DST: variants seen among roughly 807,000 people sequenced by gnomAD.
DST encodes dystonin.
A neutral mutation model predicts 875.2 loss-of-function variants in DST; 253 were observed. The ratio of observed to expected loss-of-function variants is 0.29; its 90% CI spans 0.26 to 0.32. DST has a LOEUF of 0.32. DST is among the 10% of genes least tolerant of loss of function. The pLI, the probability that DST is intolerant of heterozygous loss-of-function variation, is 1.00. For missense variants in DST, 8,287 were observed against 9,111.6 expected, an observed-to-expected ratio of 0.91 and a Z score of 3.68; for synonymous variants, 3,124 against 3,197.1, an observed-to-expected ratio of 0.98 and a Z score of 0.77.
At chr6:56,832,510 A>G (rs937499665) in intron 4 of DST, among the ~76,000 whole-genome samples, 1 of 152,032 alleles carries the variant, frequency 6.6e-6, no homozygotes, top group Non-Finnish European at 1.5e-5. Flanking sequence ...GTGGAACTGT[A>G]GGAACTGTAA....
chr6:56,807,645 G>A (rs1281677043), intron 4 of DST, among the ~76,000 whole-genome samples: 1 of 152,132 alleles, frequency 6.6e-6, no homozygotes, highest in Non-Finnish European at 1.5e-5. Context: ...AGAAAGGACA[G>A]TTTTTTCAAC....
chr6:56,528,173 T>C (rs1194461293), intron 67 of DST, among the ~76,000 whole-genome samples: 12 of 152,236 alleles, frequency 7.9e-5, no homozygotes, highest in Non-Finnish European at 1.2e-4. Flanking sequence ...TTTATTTGCC[T>C]CTACCTCATT....
intron 3 of DST, among the ~76,000 whole-genome samples, chr6:56,870,423 T>C (rs1776476922): frequency 7.6e-6 from 1 of 131,350 alleles, no homozygotes; most frequent in Non-Finnish European, 1.6e-5. Flanking sequence ...TATTAAATCT[T>C]GCAACTGCAA....
At chr6:56,775,860 G>T (rs2099677998) in intron 4 of DST, among the ~76,000 whole-genome samples, 1 of 152,176 alleles carries the variant, frequency 6.6e-6, no homozygotes, top group Non-Finnish European at 1.5e-5. Flanking sequence ...AATTAGAGAA[G>T]AAAGAAGTTT....
At chr6:56,739,541 A>C (rs1470833088) in intron 4 of DST, among the ~76,000 whole-genome samples, 1 of 152,126 alleles carries the variant, frequency 6.6e-6, no homozygotes, top group Non-Finnish European at 1.5e-5. Flanking sequence ...AATAGGAGCT[A>C]GGTAAAAGGA....
intron 4 of DST, among the ~76,000 whole-genome samples, chr6:56,839,769 G>C (rs902992678): frequency 6.6e-6 from 1 of 152,174 alleles, no homozygotes; most frequent in Non-Finnish European, 1.5e-5. Context: ...TTGTCACCAT[G>C]CACATAAGCA....
At chr6:56,620,383 C>T (rs1489825388) in intron 36 of DST, 7 of 1,614,074 alleles carry the variant, frequency 4.3e-6, no homozygotes, top group African/African-American at 4.0e-5. Flanking sequence ...TGAGCTGCCT[C>T]ACCCGCTCCA....
intron 61 of DST, among the ~76,000 whole-genome samples, chr6:56,547,823 A>G (rs1407116928): frequency 6.6e-6 from 1 of 152,202 alleles, no homozygotes; most frequent in African/African-American, 2.4e-5. Flanking sequence ...CAATGCCTTC[A>G]CCTGGACCAG....
chr6:56,904,974 G>T (rs1795740791), intron 2 of DST, among the ~76,000 whole-genome samples: 1 of 152,122 alleles, frequency 6.6e-6, no homozygotes, highest in Non-Finnish European at 1.5e-5. Context: ...ATTTTTAGTA[G>T]AGATGGGGTT....
intron 3 of DST, among the ~76,000 whole-genome samples, chr6:56,858,223 C>T (rs1769015994): frequency 6.8e-6 from 1 of 148,022 alleles, no homozygotes; most frequent in African/African-American, 2.4e-5. Flanking sequence ...GGAGAGGAAG[C>T]AGGAAGGTTA....
Position 56,526,371 on chromosome 6 carries a change from C to A in DST, c.18119G>T (p.Arg6040Leu). The change falls in exon 69 of 104, where the codon CGA becomes CTA. Residue 6040 changes from arginine (R) to leucine (L), a missense_variant. Physicochemically the swap from Arg to Leu is moderately radical, Grantham distance 102 (BLOSUM62 -2). Transcript: ENST00000680361. The stretch of plus-strand genomic sequence containing the variant: ...ACCATTTTTCCCTACCTGCTGTGAT[C>A]GCAGAATGGCTGCATCGATCTCCTC... ...KVEEIDAAIL[R>L]SQQFDQAADA... 2 of 1,613,668 alleles carry A rather than the reference C, an allele frequency of 1.2e-6. No homozygotes were observed. The highest frequency in any genetic ancestry group is 1.7e-6 in the Non-Finnish European group (2 of 1,179,770).
At chr6:56,525,716 C>T (rs891514621) in intron 69 of DST, among the ~76,000 whole-genome samples, 1 of 152,258 alleles carries the variant, frequency 6.6e-6, no homozygotes, top group Admixed American at 6.5e-5. Flanking sequence ...AGTTAATCAA[C>T]ACATGTATTA....
intron 80 of DST, among the ~76,000 whole-genome samples, chr6:56,499,638 G>A (rs2096054440): frequency 6.6e-6 from 1 of 152,016 alleles, no homozygotes; most frequent in South Asian, 2.1e-4. Flanking sequence ...GGAAAGAAAA[G>A]AGAGAAGAGA....
intron 16 of DST, 131 bp downstream of exon 16, chr6:56,642,279 C>T: frequency 1.1e-6 from 1 of 873,170 alleles, no homozygotes; most frequent in Non-Finnish European, 1.9e-6. Context: ...CAATCATAAT[C>T]TTTAACAAAC....
Position 56,553,621 on chromosome 6 carries a change from T to C in DST, c.15171A>G (p.Ala5057=), listed in dbSNP as rs774767742. 2 of 1,613,584 alleles carry C rather than the reference T, an allele frequency of 1.2e-6. No individual in the cohort carries two copies. Among genetic ancestry groups the C allele is most frequent in the South Asian group, 2.2e-5 (2 of 91,086 alleles). The change falls in exon 61 of 104, where the codon GCA becomes GCG. Residue 5057 remains alanine, a synonymous_variant. Transcript: ENST00000680361. ...ACATTTGCTGAAATTGATGAGAGCT[T>C]GCACAGGCCGACTGAAGGTGCTGGA... is the stretch of plus-strand genomic sequence containing the variant. ...NHVQHLQSAC[A]SSHQFQQMSR... is the part of the protein sequence containing the mutation.
chr6:56,770,366 A>T (rs2152976289), intron 4 of DST, among the ~76,000 whole-genome samples: 1 of 152,352 alleles, frequency 6.6e-6, no homozygotes, highest in African/African-American at 2.4e-5. Flanking sequence ...ACCTAATGTT[A>T]TCTTCAAGTT....
intron 2 of DST, among the ~76,000 whole-genome samples, chr6:56,917,244 C>A (rs1801701464): frequency 6.6e-6 from 1 of 152,136 alleles, no homozygotes; most frequent in Non-Finnish European, 1.5e-5. Flanking sequence ...ACTCTGAAGA[C>A]ACACTTAGCA....
rs137974372 is a variant in DST, at chr6:56,626,829, A to G, written c.4722+375T>C. Among the ~76,000 whole-genome samples, 9 of 152,240 alleles carry G rather than the reference A, an allele frequency of 5.9e-5. No individual in the cohort carries two copies. In the East Asian group the frequency reaches 1.7e-3, roughly 29 times the overall value. On this transcript the variant is annotated intron_variant, in intron 34 of 103. Transcript: ENST00000680361. ...TGGAACTATGGATCTGGAGGGCTAA[A>G]ACTGAAAAGTTGTCAATGACAACTT...
intron 9 of DST, among the ~76,000 whole-genome samples, chr6:56,672,974 G>A (rs1405200235): frequency 1.3e-5 from 2 of 152,128 alleles, no homozygotes; most frequent in East Asian, 3.9e-4. Flanking sequence ...AAAAGTTGAG[G>A]CCAGGCACGG....
Sources: allele counts gnomAD v4.1 joint callset (sites outside exome capture counted in the v4.1 genomes callset), GRCh38; gene constraint gnomAD v4.1.1; transcripts MANE v1.5; gene names NCBI Gene and HGNC (gene_info 2026-07-23, HGNC 2026-07-21).